TTC39B: variants seen among roughly 807,000 people sequenced by gnomAD.
The protein encoded by TTC39B is tetratricopeptide repeat protein 39B.
A neutral mutation model predicts 96.6 loss-of-function variants in TTC39B; 92 were observed. The observed-to-expected ratio is 0.95, with a 90% CI of 0.80 to 1.13. The LOEUF (loss-of-function observed/expected upper bound fraction) is 1.13. Ranked by LOEUF, TTC39B falls within the 50% of genes most tolerant of loss-of-function variation. The probability of loss-of-function intolerance (pLI) is 0.00; values close to 1 mark genes in which losing one functional copy is unlikely to be tolerated. For missense variants in TTC39B, 955 were observed against 809.3 expected, an observed-to-expected ratio of 1.18 and a Z score of -2.18; for synonymous variants, 367 against 299.4, an observed-to-expected ratio of 1.23 and a Z score of -2.33.
chr9:15,169,438 C>T (rs1817588453), exon 20 of TTC39B: 1 of 151,870 alleles, frequency 6.6e-6, no homozygotes. Flanking sequence ...CCTGCCTCTC[C>T]ATTAAGGAAA....
At chr9:15,240,508 T>C (rs1165536193) in intron 2 of TTC39B, among the ~76,000 whole-genome samples, 1 of 152,114 alleles carries the variant, frequency 6.6e-6, no homozygotes, top group Admixed American at 6.5e-5. Flanking sequence ...TGTTTTTTTT[T>C]CAATTTTTTC....
chr9:15,234,092 C>G (rs1821622809), intron 2 of TTC39B, among the ~76,000 whole-genome samples: 1 of 150,394 alleles, frequency 6.6e-6, no homozygotes, highest in African/African-American at 2.5e-5. Context: ...GCGACCCCAT[C>G]TGGGAGGTGA....
chr9:15,300,541 C>A (rs190992149), intron 1 of TTC39B, among the ~76,000 whole-genome samples: 1 of 152,306 alleles, frequency 6.6e-6, no homozygotes, highest in African/African-American at 2.4e-5. Flanking sequence ...ATCCACTTCA[C>A]CAGATTTATC....
chr9:15,168,221 A>G (rs529757248), exon 20 of TTC39B: 46 of 152,306 alleles, frequency 3.0e-4, no homozygotes, highest in African/African-American at 1.1e-3. Context: ...GCGAGGGGCT[A>G]CTGTACTGGA....
exon 19 of TTC39B, chr9:15,175,112 T>C (rs762155701): frequency 1.7e-5 from 28 of 1,613,034 alleles, no homozygotes; most frequent in African/African-American, 2.7e-5. Flanking sequence ...CACTAGGTAG[T>C]GGTCATACTT....
exon 20 of TTC39B, chr9:15,166,983 TATATATATATATATATATATA>T (rs1376496624): frequency 6.9e-4 from 3 of 4,356 alleles, no homozygotes; most frequent in African/African-American, 1.3e-3. Flanking sequence ...ACCTTTATTT[TATATATATATATATATATATA>T]TATATATATA....
chr9:15,300,905 A>AC (rs1824562382), intron 1 of TTC39B, among the ~76,000 whole-genome samples: 1 of 114,764 alleles, frequency 8.7e-6, no homozygotes, highest in African/African-American at 5.0e-5. Context: ...AAAAAAAAAA[A>AC]AAAAAAAAAA....
chr9:15,251,711 ATATATATATATATATATATATATATG>A lies in TTC39B; in HGVS notation c.275+16177_275+16202del, dbSNP rs1184643940. Among the ~76,000 whole-genome samples the A allele has an allele frequency of 8.4e-3, 758 of 90,622 alleles. 18 individuals are homozygous for A. Among genetic ancestry groups the A allele is most frequent in the Non-Finnish European group, 9.3e-3 (493 of 52,848 alleles). The allele number at this position is 90,622 out of a possible 152,430, so 59.5% of individuals were successfully genotyped here. A position where few individuals can be genotyped will look rare whatever the true frequency, so the allele number is the denominator to read the frequency against. On this transcript the variant is annotated intron_variant, in intron 2 of 19. Coordinates refer to ENST00000512701, the Ensembl canonical transcript of TTC39B. The stretch of plus-strand genomic sequence containing the variant: ...CACACATACATATACATATATATAT[ATATATATATATATATATATATATATG>A]TAGTATATATGGAGGGGACAAGACA...
chr9:15,171,007 G>A (rs948249111), exon 20 of TTC39B: 3 of 152,098 alleles, frequency 2.0e-5, no homozygotes, highest in Admixed American at 2.0e-4. Context: ...CTCCCTAAAG[G>A]TCTCCTCACT....
In TTC39B at chr9:15,234,288, G is replaced by A. The variant is rs556470584; in HGVS notation, c.276-8276C>T. ...GGGGTCAGCCCCCGCCAGGCCAGCC[G>A]CCCCATCCGGGAGGGAAGTCGGGGG... On this transcript the variant is annotated intron_variant, in intron 2 of 19. Transcript: ENST00000512701. Among the ~76,000 whole-genome samples the A allele has an allele frequency of 2.7e-4, 40 of 148,542 alleles. No individual in the cohort carries two copies. The South Asian group carries it at 5.3e-3, about 20-fold the overall frequency.
intron 3 of TTC39B, 102 bp from the exon 4 acceptor site, chr9:15,214,351 T>TGTGG: frequency 1.3e-6 from 1 of 758,900 alleles, no homozygotes; most frequent in Non-Finnish European, 2.2e-6. Context: ...TGTGTGTCTG[T>TGTGG]GTGTGTGTGT....
chr9:15,238,246 T>A (rs1041910178), intron 2 of TTC39B, among the ~76,000 whole-genome samples: 1 of 152,048 alleles, frequency 6.6e-6, no homozygotes, highest in Non-Finnish European at 1.5e-5. Context: ...AACATAATAC[T>A]GGAAGTCCGA....
intron 1 of TTC39B, among the ~76,000 whole-genome samples, chr9:15,286,815 T>C (rs1462027997): frequency 2.0e-5 from 3 of 152,210 alleles, no homozygotes; most frequent in African/African-American, 7.2e-5. Flanking sequence ...TTATCATCCA[T>C]ATGCACTCAA....
In TTC39B at chr9:15,190,505, C is replaced by T. The variant is rs370854047; in HGVS notation, c.1105+49G>A. 5.2e-6 allele frequency: 8 copies of T among 1,551,260 alleles called. No individual in the cohort carries two copies. In the African/African-American group the frequency reaches 5.4e-5, roughly 11 times the overall value. On this transcript the variant is annotated intron_variant, in intron 11 of 19. Coordinates refer to ENST00000512701, the Ensembl canonical transcript of TTC39B. ...GGATTACAGGTGTAACACACCATGT[C>T]TGGCCAAGACAATCAATGTTCAATG...
In TTC39B at chr9:15,267,419, T is replaced by C. The variant is rs185030136; in HGVS notation, c.275+495A>G. ...AATAATTCAAAATATAACAAAGCTATACACATGTAAAACTTAGTTCTACAT... is the reference window on the plus strand; with the variant it reads ...AATAATTCAAAATATAACAAAGCTACACACATGTAAAACTTAGTTCTACAT... On this transcript the variant is annotated intron_variant, in intron 2 of 19. Coordinates refer to ENST00000512701, the Ensembl canonical transcript of TTC39B. Among the ~76,000 whole-genome samples, 4 of 152,372 alleles carry C rather than the reference T, an allele frequency of 2.6e-5. No homozygotes were observed. In the East Asian group the frequency reaches 7.7e-4, roughly 29 times the overall value.
rs376736971 is a variant in TTC39B, at chr9:15,244,416, G to A, written c.276-18404C>T. 8.9e-4 allele frequency among the ~76,000 whole-genome samples: 135 copies of A among 152,342 alleles called. 1 individual carries two copies. Among genetic ancestry groups the A allele is most frequent in the African/African-American group, 2.5e-3 (102 of 41,586 alleles). The stretch of plus-strand genomic sequence containing the variant: ...CTTTGCGCCACTTCCTCACCTCAGT[G>A]GGTCTCAGTGTCCCTATCTGCAAAA... On this transcript the variant is annotated intron_variant, in intron 2 of 19. Coordinates refer to ENST00000512701, the Ensembl canonical transcript of TTC39B.
intron 7 of TTC39B, among the ~76,000 whole-genome samples, chr9:15,203,176 A>C (rs537662650): frequency 1.2e-4 from 19 of 152,352 alleles, no homozygotes; most frequent in Non-Finnish European, 5.9e-5. Flanking sequence ...GAAAGCGCAA[A>C]GGAGAATACT....
In TTC39B at chr9:15,189,573, C is replaced by T. The variant is rs1818734959; in HGVS notation, c.1233+1G>A. 1 of 1,614,084 alleles carries T rather than the reference C, an allele frequency of 6.2e-7. No individual in the cohort carries two copies. The highest frequency in any genetic ancestry group is 8.5e-7 in the Non-Finnish European group (1 of 1,179,996). On this transcript the variant is annotated splice_donor_variant, in intron 13 of 19. Transcript: ENST00000512701. LOFTEE classifies it high-confidence loss of function. ...CAAATAATTCCCACCTAATAAATTACCTCTTCAAGATTCCCTTTCAGCAAC... is the reference window on the plus strand; with the variant it reads ...CAAATAATTCCCACCTAATAAATTATCTCTTCAAGATTCCCTTTCAGCAAC...
chr9:15,215,363 C>A (rs577144953), intron 3 of TTC39B, among the ~76,000 whole-genome samples: 1 of 150,132 alleles, frequency 6.7e-6, no homozygotes, highest in South Asian at 2.1e-4. Context: ...TGAGAGACCA[C>A]CCTGACCAAC....
Sources: allele counts gnomAD v4.1 joint callset (sites outside exome capture counted in the v4.1 genomes callset), GRCh38; gene constraint gnomAD v4.1.1; transcripts MANE v1.5; gene names NCBI Gene and HGNC (gene_info 2026-07-23, HGNC 2026-07-21).